CORO1C: variants seen among roughly 807,000 people sequenced by gnomAD.
CORO1C encodes coronin 1C.
Under a neutral mutation model 51.2 loss-of-function variants are expected in CORO1C, and 14 were observed. The observed-to-expected ratio is 0.27, with a 90% CI of 0.18 to 0.43. CORO1C has a LOEUF of 0.43. Ranked by LOEUF, CORO1C falls within the 20% of genes least tolerant of loss-of-function variation. CORO1C has a pLI of 1.00. For synonymous variants in CORO1C, 181 were observed against 210.5 expected, an observed-to-expected ratio of 0.86 and a Z score of 1.21; for missense variants, 417 against 607.8, an observed-to-expected ratio of 0.69 and a Z score of 3.30.
At chr12:108,653,482 G>GTGGTAT (rs1336294125) in intron 7 of CORO1C, among the ~76,000 whole-genome samples, 1 of 152,106 alleles carries the variant, frequency 6.6e-6, no homozygotes, top group Non-Finnish European at 1.5e-5. Flanking sequence ...CCAGTGAAGG[G>GTGGTAT]CTATCTAACA....
At chr12:108,713,704 A>G (rs1220884270) in intron 1 of CORO1C, among the ~76,000 whole-genome samples, 1 of 152,250 alleles carries the variant, frequency 6.6e-6, no homozygotes, top group African/African-American at 2.4e-5. Context: ...AGAAAGATGC[A>G]GTGACCTTGA....
At chr12:108,653,712 T>C (rs1029425783) in intron 7 of CORO1C, among the ~76,000 whole-genome samples, 3 of 152,152 alleles carry the variant, frequency 2.0e-5, no homozygotes, top group African/African-American at 4.8e-5. Flanking sequence ...ATAACTGTTA[T>C]CACCCCTGAG....
At chr12:108,703,886 C>T (rs2034951557) in intron 1 of CORO1C, among the ~76,000 whole-genome samples, 1 of 152,156 alleles carries the variant, frequency 6.6e-6, no homozygotes, top group South Asian at 2.1e-4. Context: ...ATACCACCTG[C>T]CTTACCCCAC....
intron 1 of CORO1C, among the ~76,000 whole-genome samples, chr12:108,711,808 G>C (rs1344779036): frequency 6.6e-6 from 1 of 151,452 alleles, no homozygotes; most frequent in Non-Finnish European, 1.5e-5. Flanking sequence ...CAAAACACCT[G>C]AGTAAATGTT....
intron 1 of CORO1C, among the ~76,000 whole-genome samples, chr12:108,720,685 G>A (rs1330247772): frequency 1.3e-5 from 2 of 151,890 alleles, no homozygotes; most frequent in Non-Finnish European, 2.9e-5. Context: ...CACCACGCCC[G>A]GCTAATTTTT....
chr12:108,688,295 C>A lies in CORO1C; in HGVS notation c.196-9901G>T, dbSNP rs10431414. Among the ~76,000 whole-genome samples, 59 of 152,098 alleles carry A rather than the reference C, an allele frequency of 3.9e-4. No individual in the cohort carries two copies. The East Asian group carries it at 0.01, about 26-fold the overall frequency. On this transcript the variant is annotated intron_variant, in intron 2 of 10. Transcript: ENST00000261401. ...GTAGACTCATCCTATATATTGAGGGCAGTACTGAGTACAATAAAAAAAACT... is the reference window on the plus strand; with the variant it reads ...GTAGACTCATCCTATATATTGAGGGAAGTACTGAGTACAATAAAAAAAACT...
intron 10 of CORO1C, among the ~76,000 whole-genome samples, chr12:108,648,229 A>C (rs919229805): frequency 4.6e-5 from 7 of 151,902 alleles, no homozygotes; most frequent in African/African-American, 7.3e-5. Context: ...CTATGACCCC[A>C]CACTCCCATG....
intron 2 of CORO1C, among the ~76,000 whole-genome samples, chr12:108,693,571 A>G (rs2034569792): frequency 6.6e-6 from 1 of 152,266 alleles, no homozygotes; most frequent in Non-Finnish European, 1.5e-5. Context: ...CAAGAAATGT[A>G]GGATTTTCTA....
Position 108,648,710 on chromosome 12 carries a change from C to G in CORO1C, c.1200G>C (p.Arg400Ser). 1.9e-6 allele frequency: 3 copies of G among 1,614,122 alleles called. No individual in the cohort carries two copies. Among genetic ancestry groups the G allele is most frequent in the African/African-American group, 1.3e-5 (1 of 75,000 alleles). The change falls in exon 10 of 11, where the codon AGG becomes AGC. Residue 400 changes from arginine to serine, a missense_variant. Coordinates refer to ENST00000261401, the MANE Select transcript of CORO1C (RefSeq NM_014325.4). The part of the protein sequence containing the change: ...LKHGYIPGKN[R>S]DLKVVKKNIL... ...TGTTCTTCTTGACCACCTTGAGATCCCTGTTTTTGCCTGGAATGTACCCGT... is the reference window on the plus strand; with the variant it reads ...TGTTCTTCTTGACCACCTTGAGATCGCTGTTTTTGCCTGGAATGTACCCGT...
intron 2 of CORO1C, among the ~76,000 whole-genome samples, chr12:108,692,108 C>G (rs563377511): frequency 6.6e-6 from 1 of 152,012 alleles, no homozygotes; most frequent in Non-Finnish European, 1.5e-5. Context: ...GCTGGCAGCT[C>G]GTGACATAAT....
chr12:108,683,118 T>C (rs539441363), intron 2 of CORO1C, among the ~76,000 whole-genome samples: 6 of 152,212 alleles, frequency 3.9e-5, no homozygotes, highest in South Asian at 4.2e-4. Context: ...ATCCAAAGAA[T>C]GTAAAATTAT....
chr12:108,723,380 G>A (rs961103215), intron 1 of CORO1C, among the ~76,000 whole-genome samples: 5 of 152,242 alleles, frequency 3.3e-5, no homozygotes, highest in African/African-American at 9.6e-5. Flanking sequence ...TATCTTTCCT[G>A]TGAAGTAAGC....
intron 1 of CORO1C, chr12:108,703,046 A>G (rs1304820283): frequency 1.7e-6 from 2 of 1,184,798 alleles, no homozygotes; most frequent in African/African-American, 3.1e-5. Flanking sequence ...GTTAGATAAG[A>G]CAGCTTCCAT....
intron 3 of CORO1C, among the ~76,000 whole-genome samples, chr12:108,677,776 T>C (rs934252041): frequency 6.6e-6 from 1 of 152,202 alleles, no homozygotes; most frequent in African/African-American, 2.4e-5. Context: ...CCCAGCACTT[T>C]GGGAGGCCGA....
chr12:108,671,072 C>A (rs1033792727), intron 3 of CORO1C, among the ~76,000 whole-genome samples: 2 of 151,588 alleles, frequency 1.3e-5, no homozygotes, highest in Non-Finnish European at 2.9e-5. Flanking sequence ...GTGGCTCACA[C>A]GTGTAATCCC....
intron 3 of CORO1C, among the ~76,000 whole-genome samples, chr12:108,668,074 A>G (rs866202343): frequency 3.5e-4 from 53 of 152,354 alleles, no homozygotes; most frequent in Middle Eastern, 3.4e-3. Flanking sequence ...TACACCCCCA[A>G]AAGACCCTAT....
In CORO1C at chr12:108,726,280, G is replaced by A. The variant is rs529981978; in HGVS notation, c.-6+5149C>T. 2.2e-4 allele frequency among the ~76,000 whole-genome samples: 34 copies of A among 151,426 alleles called. No individual in the cohort carries two copies. The South Asian group carries it at 5.0e-3, about 22-fold the overall frequency. ...AAAAATACCAAAAAATTAGCCGGGT[G>A]TAGTGGCGGGCGCCTGTAGTCCCAG... On this transcript the variant is annotated intron_variant, in intron 1 of 10. Coordinates refer to ENST00000261401, the MANE Select transcript of CORO1C (RefSeq NM_014325.4).
chr12:108,669,545 C>T (rs968171531), intron 3 of CORO1C, among the ~76,000 whole-genome samples: 2 of 151,982 alleles, frequency 1.3e-5, no homozygotes, highest in African/African-American at 2.4e-5. Flanking sequence ...GCTCAGAACT[C>T]CTACTCCCAG....
intron 9 of CORO1C, 42 bp downstream of exon 9, chr12:108,648,921 A>G (rs76545327): frequency 1.2e-6 from 2 of 1,610,980 alleles, no homozygotes; most frequent in Non-Finnish European, 8.5e-7. Flanking sequence ...TTATTTTTAC[A>G]TTTGTTTAAA....
Sources: allele counts gnomAD v4.1 joint callset (sites outside exome capture counted in the v4.1 genomes callset), GRCh38; gene constraint gnomAD v4.1.1; transcripts MANE v1.5; gene names NCBI Gene and HGNC (gene_info 2026-07-23, HGNC 2026-07-21).